TMTC1: variants seen among roughly 807,000 people sequenced by gnomAD.
TMTC1 encodes protein O-mannosyl-transferase TMTC1.
A neutral mutation model predicts 104.8 loss-of-function variants in TMTC1; 73 were observed. That is an observed-to-expected ratio of 0.70 (90% CI 0.58 to 0.85). TMTC1 has a LOEUF of 0.85. Among genes scored for constraint, TMTC1 ranks in the 40% least tolerant of loss-of-function variants. The pLI, the probability that TMTC1 is intolerant of heterozygous loss-of-function variation, is 0.00. For synonymous variants in TMTC1, 434 were observed against 428.7 expected (o/e 1.01, Z -0.15); for missense variants, 1,035 against 1,096.1 (o/e 0.94, Z 0.79).
chr12:29,643,884 AAT>A (rs1474685908), intron 5 of TMTC1, among the ~76,000 whole-genome samples: 5 of 82,118 alleles, frequency 6.1e-5, no homozygotes, highest in Admixed American at 2.2e-4. Flanking sequence ...TATAAATTTA[AAT>A]ATATATAAAT....
intron 9 of TMTC1, among the ~76,000 whole-genome samples, chr12:29,566,987 C>T (rs1007449353): frequency 1.3e-5 from 2 of 152,224 alleles, no homozygotes; most frequent in Non-Finnish European, 2.9e-5. Flanking sequence ...TGCTCTCAGC[C>T]TCAGGGAGTT....
At chr12:29,511,795 G>T (rs1460507327) in intron 17 of TMTC1, among the ~76,000 whole-genome samples, 1 of 151,954 alleles carries the variant, frequency 6.6e-6, no homozygotes. Context: ...TTTTCTTCAT[G>T]GTTAGAAAAA....
At chr12:29,532,956 C>T (rs1053322938) in intron 11 of TMTC1, 3 of 151,976 alleles carry the variant, frequency 2.0e-5, no homozygotes, top group African/African-American at 7.3e-5. Context: ...CCCTATGTAC[C>T]ATGGAAATCT....
intron 2 of TMTC1, among the ~76,000 whole-genome samples, chr12:29,765,172 C>T (rs12369953): frequency 0.015 from 2,227 of 152,180 alleles, 23 homozygotes; most frequent in Non-Finnish European, 0.021. Context: ...CCAAAAAGAA[C>T]ATTAAAAACT....
intron 6 of TMTC1, among the ~76,000 whole-genome samples, chr12:29,619,258 G>A (rs1253722709): frequency 6.6e-6 from 1 of 152,116 alleles, no homozygotes. Context: ...GCCTGTGAAG[G>A]CAAAGAAAAA....
chr12:29,573,282 G>GA (rs1945732023), intron 8 of TMTC1, among the ~76,000 whole-genome samples: 1 of 152,048 alleles, frequency 6.6e-6, no homozygotes, highest in Admixed American at 6.6e-5. Context: ...GAAAGTGGTG[G>GA]AAAAAAGGCA....
Position 29,779,198 on chromosome 12 carries a change from C to T in TMTC1, c.302+4252G>A, listed in dbSNP as rs946632795. 3.3e-5 allele frequency among the ~76,000 whole-genome samples: 5 copies of T among 152,344 alleles called. No individual in the cohort carries two copies. In the South Asian group the frequency reaches 1.0e-3, roughly 32 times the overall value. ...TGTTCACCAACATTTCTGTGACAAA[C>T]TGCAAGAGGCCTGGCAGCAACAAAA... On this transcript the variant is annotated intron_variant, in intron 1 of 17. Coordinates refer to ENST00000539277, the MANE Select transcript of TMTC1 (RefSeq NM_001193451.2).
In TMTC1 at chr12:29,629,034, G is replaced by C. The variant is rs1037485713; in HGVS notation, c.1128+4113C>G. Among the ~76,000 whole-genome samples, 5 of 151,990 alleles carry C rather than the reference G, an allele frequency of 3.3e-5. No individual in the cohort carries two copies. The East Asian group carries it at 9.8e-4, about 30-fold the overall frequency. On this transcript the variant is annotated intron_variant, in intron 6 of 17. Coordinates refer to ENST00000539277, the MANE Select transcript of TMTC1 (RefSeq NM_001193451.2). The stretch of plus-strand genomic sequence containing the variant: ...TCAGAAAATTTTTAAAGCTACCTAT[G>C]ATGGGCCGGGCACGGTGGCTCACAT...
intron 13 of TMTC1, 34 bp downstream of exon 13, chr12:29,518,438 G>A: frequency 6.2e-7 from 1 of 1,601,876 alleles, no homozygotes; most frequent in Non-Finnish European, 8.5e-7. Context: ...TGAGGTTCCT[G>A]GGCAACTTAT....
chr12:29,733,507 C>T (rs1327398563), intron 5 of TMTC1, among the ~76,000 whole-genome samples: 1 of 152,212 alleles, frequency 6.6e-6, no homozygotes, highest in Non-Finnish European at 1.5e-5. Flanking sequence ...TTATGCCTAA[C>T]ACCAAAGAGC....
chr12:29,693,548 A>C (rs1431836238), intron 5 of TMTC1, among the ~76,000 whole-genome samples: 2 of 152,110 alleles, frequency 1.3e-5, no homozygotes, highest in Non-Finnish European at 2.9e-5. Context: ...CCAGCCTCTA[A>C]TATTAATAAC....
intron 5 of TMTC1, among the ~76,000 whole-genome samples, chr12:29,713,908 G>A (rs2136852863): frequency 6.6e-6 from 1 of 152,204 alleles, no homozygotes. Flanking sequence ...TGAGGGTGGG[G>A]CCCTCATGAA....
chr12:29,540,812 T>C (rs1483527320), intron 10 of TMTC1, among the ~76,000 whole-genome samples: 1 of 152,058 alleles, frequency 6.6e-6, no homozygotes, highest in African/African-American at 2.4e-5. Context: ...CTGGCCAAGA[T>C]AGTGAAACCC....
intron 5 of TMTC1, among the ~76,000 whole-genome samples, chr12:29,642,103 C>T (rs1393325870): frequency 6.6e-6 from 1 of 151,938 alleles, no homozygotes; most frequent in Admixed American, 6.6e-5. Flanking sequence ...GTTAAATGAC[C>T]AAACCTAAGA....
chr12:29,542,260 T>C (rs1000061059), intron 10 of TMTC1, among the ~76,000 whole-genome samples: 4 of 152,128 alleles, frequency 2.6e-5, no homozygotes, highest in Admixed American at 6.5e-5. Context: ...TAAGAACTCA[T>C]GTGATACTAA....
At chr12:29,729,747 C>G (rs533085683) in intron 5 of TMTC1, among the ~76,000 whole-genome samples, 2 of 152,250 alleles carry the variant, frequency 1.3e-5, no homozygotes, top group East Asian at 3.9e-4. Flanking sequence ...TTGTGGGTCA[C>G]TATGTCTCCT....
At chr12:29,775,595 C>T (rs1322190671) in intron 1 of TMTC1, among the ~76,000 whole-genome samples, 2 of 152,148 alleles carry the variant, frequency 1.3e-5, no homozygotes, top group Non-Finnish European at 2.9e-5. Context: ...CTTCAGGATG[C>T]TTCACCCTCC....
intron 8 of TMTC1, among the ~76,000 whole-genome samples, chr12:29,576,576 T>C (rs550118685): frequency 6.6e-6 from 1 of 152,150 alleles, no homozygotes; most frequent in African/African-American, 2.4e-5. Flanking sequence ...TCTTAATAAA[T>C]GAAATTGAAC....
intron 5 of TMTC1, among the ~76,000 whole-genome samples, chr12:29,683,109 C>T (rs760690385): frequency 1.3e-5 from 2 of 152,156 alleles, no homozygotes; most frequent in African/African-American, 2.4e-5. Context: ...CACCTCATTA[C>T]TAAAGAACAG....
Sources: gnomAD v4.1 joint callset for allele counts (sites outside exome capture counted in the v4.1 genomes callset) on GRCh38, gnomAD v4.1.1 for gene constraint, MANE v1.5 for transcripts, NCBI Gene and HGNC (gene_info 2026-07-23, HGNC 2026-07-21) for gene names.